The following GSR variants were observed in gnomAD, a reference collection of about 807,000 sequenced individuals.
GSR encodes glutathione reductase, mitochondrial.
Under a neutral mutation model 56.5 loss-of-function variants are expected in GSR, and 48 were observed. The ratio of observed to expected loss-of-function variants is 0.85; its 90% CI spans 0.67 to 1.08. GSR has a LOEUF of 1.08. GSR is among the 50% of genes least tolerant of loss of function. The pLI is 0.00. For synonymous variants in GSR, 264 were observed against 270.8 expected, an observed-to-expected ratio of 0.97 and a Z score of 0.25; for missense variants, 694 against 703.3, an observed-to-expected ratio of 0.99 and a Z score of 0.15.
chr8:30,719,104 AT>A (rs35944160), intron 1 of GSR, among the ~76,000 whole-genome samples: 59,699 of 73,688 alleles, frequency 0.81, 24,047 homozygotes, highest in East Asian at 0.92. Flanking sequence ...TAATTTTTAA[AT>A]TTTTTTTTTT....
At chr8:30,714,202 CTTTTTTTTT>C (rs33969608) in intron 1 of GSR, among the ~76,000 whole-genome samples, 1 of 63,986 alleles carries the variant, frequency 1.6e-5, no homozygotes, top group East Asian at 6.2e-4. Flanking sequence ...GTTCTATATG[CTTTTTTTTT>C]TTTTTTTTTT....
intron 8 of GSR, among the ~76,000 whole-genome samples, chr8:30,689,580 A>G (rs935825522): frequency 6.6e-6 from 1 of 151,994 alleles, no homozygotes; most frequent in Non-Finnish European, 1.5e-5. Flanking sequence ...GTAATGCCTC[A>G]CTTTAAAAAC....
intron 1 of GSR, among the ~76,000 whole-genome samples, chr8:30,724,557 T>TTTC (rs1804661352): frequency 7.0e-6 from 1 of 143,082 alleles, no homozygotes; most frequent in East Asian, 2.1e-4. Flanking sequence ...TTTTTTTTTT[T>TTTC]TTTTTTTTTG....
At chr8:30,684,054 G>T in intron 10 of GSR, 34 bp downstream of exon 10, 1 of 1,072,382 alleles carries the variant, frequency 9.3e-7, no homozygotes, top group South Asian at 1.2e-5. Context: ...GTAACACGCA[G>T]ACCCTCCCTC....
Position 30,688,299 on chromosome 8 carries a change from CT to C in GSR, c.1041+861del, listed in dbSNP as rs368891913. Among the ~76,000 whole-genome samples the C allele has an allele frequency of 3.8e-4, 58 of 152,290 alleles. 3 individuals are homozygous for C. The East Asian group carries it at 7.9e-3, about 21-fold the overall frequency. On this transcript the variant is annotated intron_variant, in intron 9 of 12. Coordinates refer to ENST00000221130, the MANE Select transcript of GSR (RefSeq NM_000637.5). ...AACTAGGTTAGAGGTGGCAGGCCGG[CT>C]GGGCATGGAGGCTCATGTTTATAAT... is the stretch of plus-strand genomic sequence containing the variant.
Position 30,695,951 on chromosome 8 carries a change from A to T in GSR, c.795+429T>A, listed in dbSNP as rs570041779. Among the ~76,000 whole-genome samples the T allele has an allele frequency of 1.1e-4, 16 of 152,154 alleles. No individual in the cohort carries two copies. In the East Asian group the frequency reaches 3.1e-3, roughly 29 times the overall value. On this transcript the variant is annotated intron_variant, in intron 7 of 12. Coordinates refer to ENST00000221130, the MANE Select transcript of GSR (RefSeq NM_000637.5). ...GCTACTTGGGAGGCTGAGGCATGAGACTCGCTTGAGCCCAGGAGGCAGAGG... is the reference window on the plus strand; with the variant it reads ...GCTACTTGGGAGGCTGAGGCATGAGTCTCGCTTGAGCCCAGGAGGCAGAGG...
At chr8:30,697,861 GTAT>G (rs1803603537) in intron 6 of GSR, among the ~76,000 whole-genome samples, 1 of 151,814 alleles carries the variant, frequency 6.6e-6, no homozygotes, top group South Asian at 2.1e-4. Flanking sequence ...GCTAATTTTT[GTAT>G]TTTTTTTGCA....
rs1276656463 is a variant in GSR at position 30,678,851 on chromosome 8, C to T, written c.*669G>A. ...TTTACATGTGAAGAATTGCCATCAACTTCTGTGAAAATTAGCAAGCTGGCA... is the reference window on the plus strand; with the variant it reads ...TTTACATGTGAAGAATTGCCATCAATTTCTGTGAAAATTAGCAAGCTGGCA... On this transcript the variant is annotated 3_prime_UTR_variant, in exon 13 of 13. Transcript: ENST00000221130. 1 of 152,504 alleles carries T rather than the reference C, an allele frequency of 6.6e-6. No individual in the cohort carries two copies. The highest frequency in any genetic ancestry group is 1.5e-5 in the Non-Finnish European group (1 of 68,434). The allele number at this position is 152,504 out of a possible 1,614,324, so 9.4% of individuals were successfully genotyped here.
At chr8:30,724,345 C>T (rs1804653540) in intron 1 of GSR, among the ~76,000 whole-genome samples, 2 of 152,124 alleles carry the variant, frequency 1.3e-5, no homozygotes, top group South Asian at 4.1e-4. Flanking sequence ...CCCACCCCTG[C>T]CCCCATAGTT....
At chr8:30,686,500 C>T (rs922283376) in intron 9 of GSR, among the ~76,000 whole-genome samples, 2 of 151,966 alleles carry the variant, frequency 1.3e-5, no homozygotes. Context: ...CTGGGTAATA[C>T]AGCGAGACCT....
intron 2 of GSR, among the ~76,000 whole-genome samples, chr8:30,710,607 C>G (rs190765890): frequency 6.7e-6 from 1 of 149,538 alleles, no homozygotes; most frequent in African/African-American, 2.5e-5. Flanking sequence ...GTAGTCCCAG[C>G]TACTTGTGCT....
At chr8:30,683,978 A>G in intron 10 of GSR, 110 bp downstream of exon 10, 1 of 774,572 alleles carries the variant, frequency 1.3e-6, no homozygotes, top group Non-Finnish European at 2.4e-6. Context: ...CAATATAAAG[A>G]CACTCATCCT....
At chr8:30,715,232 A>C (rs1212139964) in intron 1 of GSR, among the ~76,000 whole-genome samples, 1 of 152,100 alleles carries the variant, frequency 6.6e-6, no homozygotes, top group Admixed American at 6.6e-5. Context: ...GTTGAAGGCT[A>C]CAATAAGCTC....
chr8:30,708,464 T>A (rs1449915790), intron 3 of GSR, among the ~76,000 whole-genome samples: 2 of 152,330 alleles, frequency 1.3e-5, no homozygotes, highest in East Asian at 3.9e-4. Flanking sequence ...ACTTGCTAAA[T>A]AAATAAATTT....
chr8:30,700,743 A>C (rs1420825105), intron 5 of GSR, among the ~76,000 whole-genome samples: 1 of 140,910 alleles, frequency 7.1e-6, no homozygotes, highest in African/African-American at 2.5e-5. Flanking sequence ...AAAAAAAAAA[A>C]AAAAAAATCG....
rs1442700031 is a variant in GSR, at chr8:30,679,190, A to C, written c.*330T>G. On this transcript the variant is annotated 3_prime_UTR_variant, in exon 13 of 13. Transcript: ENST00000221130. ...AAAAGTAGCAAGTTCTATTCATTCA[A>C]GTACATTAAGTTAATTGTACTTCAC... The C allele has an allele frequency of 1.1e-5, 3 of 278,490 alleles. No homozygotes were observed. Among genetic ancestry groups the C allele is most frequent in the Admixed American group, 1.0e-4 (2 of 20,020 alleles). 17.3% of individuals were successfully genotyped at this position (278,490 alleles called of 1,614,324 possible).
rs1156943352 is a variant in GSR at position 30,681,016 on chromosome 8, C to A, written c.1307G>T (p.Gly436Val). 1 of 1,610,164 alleles carries A rather than the reference C, an allele frequency of 6.2e-7. No homozygotes were observed. Among genetic ancestry groups the A allele is most frequent in the South Asian group, 1.1e-5 (1 of 90,996 alleles). Residue 436 changes from glycine (G) to valine (V), a missense_variant, in exon 12 of 13, where the codon GGA (glycine) becomes GTA (valine). Coordinates refer to ENST00000221130, the MANE Select transcript of GSR (RefSeq NM_000637.5). ...TGAATAGGTCTTCACATTTTCTATT[C>A]CATATTTATGAATGGCTTCATCTAC... ...LTEDEAIHKY[G>V]IENVKTYSTS...
At chr8:30,681,878 C>T in intron 11 of GSR, 52 bp downstream of exon 11, 4 of 1,565,554 alleles carry the variant, frequency 2.6e-6, no homozygotes, top group Non-Finnish European at 8.8e-7. Context: ...AAGTTGGGGG[C>T]AGGGGAAAGA....
chr8:30,681,927 T>C lies in GSR; in HGVS notation c.1285+3A>G, dbSNP rs368660448. ...AAATGACCTTCAGTTTTTAAATACC[T>C]ACCTTCCGTGAGTCCCACTGTCCCA... On this transcript the variant is annotated splice_donor_region_variant and intron_variant, in intron 11 of 12. Coordinates refer to ENST00000221130, the MANE Select transcript of GSR (RefSeq NM_000637.5). The C allele has an allele frequency of 3.1e-6, 5 of 1,613,654 alleles. No individual in the cohort carries two copies. Among genetic ancestry groups the C allele is most frequent in the Non-Finnish European group, 4.2e-6 (5 of 1,179,606 alleles).
Sources: gnomAD v4.1 joint callset for allele counts (sites outside exome capture counted in the v4.1 genomes callset) on GRCh38, gnomAD v4.1.1 for gene constraint, MANE v1.5 for transcripts, NCBI Gene and HGNC (gene_info 2026-07-23, HGNC 2026-07-21) for gene names.